CEACAM20: variants seen among roughly 807,000 people sequenced by gnomAD.
The protein encoded by CEACAM20 is cell adhesion molecule CEACAM20.
Under a neutral mutation model 61.2 loss-of-function variants are expected in CEACAM20, and 50 were observed. The ratio of observed to expected loss-of-function variants is 0.82; its 90% CI spans 0.65 to 1.03. CEACAM20 has a LOEUF of 1.03. CEACAM20 is among the 50% of genes least tolerant of loss of function. CEACAM20 has a pLI of 0.00. For synonymous variants in CEACAM20, 282 were observed against 287.7 expected (o/e 0.98, Z 0.20); for missense variants, 683 against 736.4 (o/e 0.93, Z 0.84).
intron 3 of CEACAM20, 128 bp from the exon 4 acceptor site, chr19:44,523,040 C>T (rs569810369): frequency 1.7e-4 from 133 of 776,618 alleles, no homozygotes; most frequent in Middle Eastern, 1.2e-3. Flanking sequence ...CAATTGCAAA[C>T]GAGGTACAGC....
chr19:44,510,978 G>C (rs1970978299), intron 11 of CEACAM20, 52 bp downstream of exon 11: 2 of 1,609,876 alleles, frequency 1.2e-6, no homozygotes, highest in South Asian at 2.2e-5. Flanking sequence ...AGAAAAAGCA[G>C]ATTGGTGACA....
In CEACAM20 at chr19:44,522,695, G is replaced by C. The variant is rs1370460600; in HGVS notation, c.690C>G (p.Cys230Trp). The C allele has an allele frequency of 1.9e-6, 3 of 1,613,662 alleles. No homozygotes were observed. The highest frequency in any genetic ancestry group is 1.3e-5 in the African/African-American group (1 of 74,916). The change falls in exon 4 of 12, where the codon TGC (cysteine) becomes TGG (tryptophan). Residue 230 changes from cysteine (C) to tryptophan (W), a missense_variant. Physicochemically the swap from Cys to Trp is radical, Grantham distance 215 (BLOSUM62 -2). Coordinates refer to ENST00000614924, the MANE Select transcript of CEACAM20 (RefSeq NM_001102597.3). ...VSREHEGLYRCLVSNSATHLS... is the reference protein window; with the variant it reads ...VSREHEGLYRWLVSNSATHLS... ...GGTGGGTGGCACTGTTGGACACCAA[G>C]CACCTGTACAGGCCCTCATGTTCTC...
intron 4 of CEACAM20, 141 bp from the exon 5 acceptor site, chr19:44,520,893 A>G: frequency 1.2e-6 from 1 of 824,362 alleles, no homozygotes; most frequent in Non-Finnish European, 1.9e-6. Context: ...TATGATTTGC[A>G]TAATGCTGGT....
intron 4 of CEACAM20, among the ~76,000 whole-genome samples, chr19:44,520,965 T>A (rs1971347452): frequency 6.6e-6 from 1 of 152,110 alleles, no homozygotes; most frequent in Admixed American, 6.6e-5. Flanking sequence ...TATGTGAATA[T>A]GCAATGAGTT....
At chr19:44,518,068 T>A (rs1971223382) in intron 5 of CEACAM20, among the ~76,000 whole-genome samples, 1 of 123,226 alleles carries the variant, frequency 8.1e-6, no homozygotes, top group Admixed American at 9.8e-5. Context: ...AGAGTGAGAC[T>A]CAAAAGGAAA....
chr19:44,523,861 TTA>T (rs1474912115), intron 3 of CEACAM20, 123 bp downstream of exon 3: 1 of 1,044,786 alleles, frequency 9.6e-7, no homozygotes, highest in East Asian at 2.6e-5. Context: ...TGTCAAACAG[TTA>T]TATGTCTGAA....
At chr19:44,508,916 C>T (rs938679427) in intron 11 of CEACAM20, among the ~76,000 whole-genome samples, 1 of 152,162 alleles carries the variant, frequency 6.6e-6, no homozygotes, top group Admixed American at 6.5e-5. Context: ...ATATAAACTG[C>T]TTCAAATCTT....
intron 9 of CEACAM20, 60 bp downstream of exon 9, chr19:44,511,957 G>A (rs1971012901): frequency 6.7e-7 from 1 of 1,484,900 alleles, no homozygotes. Flanking sequence ...ACCCTAAGAA[G>A]TAAGACTATA....
intron 5 of CEACAM20, among the ~76,000 whole-genome samples, chr19:44,518,170 G>GC (rs1971246010): frequency 2.1e-5 from 3 of 143,008 alleles, no homozygotes; most frequent in Admixed American, 7.0e-5. Flanking sequence ...AAGGAAGGAA[G>GC]AAAGCAGGCA....
intron 11 of CEACAM20, among the ~76,000 whole-genome samples, chr19:44,510,611 A>AGAAAGAAAGG (rs71171251): frequency 1.0e-3 from 74 of 72,386 alleles, no homozygotes; most frequent in African/African-American, 2.6e-3. Flanking sequence ...AAAGAAAGAA[A>AGAAAGAAAGG]AAGGAAGGAA....
rs1326365235 is a variant in CEACAM20, at chr19:44,518,217, G to GGA, written c.1031-995_1031-994dup. Among the ~76,000 whole-genome samples, 530 of 104,392 alleles carry GGA rather than the reference G, an allele frequency of 5.1e-3. 3 individuals are homozygous for GGA. Among genetic ancestry groups the GGA allele is most frequent in the Non-Finnish European group, 8.0e-3 (453 of 56,830 alleles). The allele number at this position is 104,392 out of a possible 152,430, so 68.5% of individuals were successfully genotyped here. A position where few individuals can be genotyped will look rare whatever the true frequency, so the allele number is the denominator to read the frequency against. ...AGGCAGGCAAGAAGGAAGGAAGGAA[G>GGA]GAGAGAGAGAGAGAGAGAAAGGAAG... On this transcript the variant is annotated intron_variant, in intron 5 of 11. Coordinates refer to ENST00000614924, the MANE Select transcript of CEACAM20 (RefSeq NM_001102597.3).
intron 4 of CEACAM20, 124 bp downstream of exon 4, chr19:44,522,510 T>C: frequency 3.0e-6 from 3 of 1,009,138 alleles, no homozygotes; most frequent in Non-Finnish European, 4.3e-6. Flanking sequence ...CTCAATGTCA[T>C]GCAGGGATTT....
At chr19:44,528,799 C>T (rs533918787) in intron 1 of CEACAM20, among the ~76,000 whole-genome samples, 3 of 150,354 alleles carry the variant, frequency 2.0e-5, no homozygotes, top group Non-Finnish European at 4.4e-5. Flanking sequence ...GTCTGTTTCT[C>T]TCTCTGCCTC....
At chr19:44,527,001 C>G (rs1023419486) in intron 1 of CEACAM20, among the ~76,000 whole-genome samples, 23 of 152,162 alleles carry the variant, frequency 1.5e-4, no homozygotes, top group Admixed American at 1.0e-3. Context: ...CTGCACTTCT[C>G]AAAAGGGCCC....
chr19:44,517,232 T>C lies in CEACAM20; in HGVS notation c.1031-8A>G. 6.2e-7 allele frequency: 1 copy of C among 1,600,888 alleles called. No individual in the cohort carries two copies. Among genetic ancestry groups the C allele is most frequent in the Admixed American group, 1.7e-5 (1 of 59,974 alleles). ...GCACTTGGTCAGGACCATCTGTGTG[T>C]AAAGCCAAACGTGATGCACCCTGGC... On this transcript the variant is annotated splice_region_variant and splice_polypyrimidine_tract_variant and intron_variant, in intron 5 of 11. Coordinates refer to ENST00000614924, the MANE Select transcript of CEACAM20 (RefSeq NM_001102597.3).
At chr19:44,528,212 T>C (rs907450885) in intron 1 of CEACAM20, among the ~76,000 whole-genome samples, 10 of 150,660 alleles carry the variant, frequency 6.6e-5, no homozygotes, top group African/African-American at 2.0e-4. Context: ...TTTCTCTCTC[T>C]CCCTTTCCCT....
At chr19:44,516,292 CCTT>C (rs1158914592) in intron 6 of CEACAM20, among the ~76,000 whole-genome samples, 2 of 152,186 alleles carry the variant, frequency 1.3e-5, no homozygotes, top group Admixed American at 6.5e-5. Flanking sequence ...GACTCATTGT[CCTT>C]CTAAGCAACT....
chr19:44,513,055 C>T, intron 7 of CEACAM20, 102 bp from the exon 8 acceptor site: 1 of 1,308,112 alleles, frequency 7.6e-7, no homozygotes, highest in Non-Finnish European at 1.1e-6. Flanking sequence ...GCCCACAACC[C>T]TCTGAATTCC....
At position 44,520,540 on chromosome 19, in the gene CEACAM20, AG is replaced by A. The variant is rs1971324568; in HGVS notation, c.963del (p.Tyr322MetfsTer19). 1 of 1,613,912 alleles carries A rather than the reference AG, an allele frequency of 6.2e-7. No individual in the cohort carries two copies. Among genetic ancestry groups the A allele is most frequent in the Non-Finnish European group, 8.5e-7 (1 of 1,179,916 alleles). On this transcript the variant is annotated frameshift_variant, in exon 5 of 12. Coordinates refer to ENST00000614924, the MANE Select transcript of CEACAM20 (RefSeq NM_001102597.3). LOFTEE classifies it high-confidence loss of function. Reference sequence around the variant, plus strand: ...CCCCAGTTCCAGACCTCACAGGCATAGGGCCCGGTGTCATTCCGCTGGAGGC... The same window carrying A: ...CCCCAGTTCCAGACCTCACAGGCATAGGCCCGGTGTCATTCCGCTGGAGGC... The part of the protein sequence containing the change: ...IHGLQRNDTG[P>X]YACEVWNWGS...
Sources: allele counts gnomAD v4.1 joint callset (sites outside exome capture counted in the v4.1 genomes callset), GRCh38; gene constraint gnomAD v4.1.1; transcripts MANE v1.5; gene names NCBI Gene and HGNC (gene_info 2026-07-23, HGNC 2026-07-21).